HSDL2: variants seen among roughly 807,000 people sequenced by gnomAD.
HSDL2 encodes the protein hydroxysteroid dehydrogenase-like protein 2.
Under a neutral mutation model 46.3 loss-of-function variants are expected in HSDL2, and 27 were observed. The ratio of observed to expected loss-of-function variants is 0.58; its 90% CI spans 0.43 to 0.80. The LOEUF (loss-of-function observed/expected upper bound fraction) is 0.80, where lower values mean the gene tolerates loss of function less well. Among genes scored for constraint, HSDL2 ranks in the 30% least tolerant of loss-of-function variants. The pLI is 0.00. For missense variants in HSDL2, 451 were observed against 502.7 expected (o/e 0.90, Z 0.98); for synonymous variants, 153 against 163.6 (o/e 0.94, Z 0.50).
intron 8 of HSDL2, among the ~76,000 whole-genome samples, chr9:112,448,711 ATT>A (rs11328991): frequency 2.0e-5 from 3 of 151,136 alleles, no homozygotes; most frequent in Admixed American, 1.3e-4. Flanking sequence ...CACCCAGCTA[ATT>A]TTTTTTTTTA....
intron 1 of HSDL2, among the ~76,000 whole-genome samples, chr9:112,390,906 T>A (rs1418324218): frequency 6.6e-6 from 1 of 152,200 alleles, no homozygotes; most frequent in Non-Finnish European, 1.5e-5. Context: ...CTGGACGCAG[T>A]GACTCATGTC....
At chr9:112,413,549 G>C (rs1017968280) in intron 4 of HSDL2, among the ~76,000 whole-genome samples, 4 of 151,710 alleles carry the variant, frequency 2.6e-5, no homozygotes, top group African/African-American at 9.7e-5. Flanking sequence ...TTACTTCCCT[G>C]GTAACTCACA....
intron 1 of HSDL2, among the ~76,000 whole-genome samples, chr9:112,400,578 T>G (rs10759558): frequency 6.6e-6 from 1 of 151,684 alleles, no homozygotes; most frequent in Non-Finnish European, 1.5e-5. Flanking sequence ...CTGCACTCCA[T>G]CCTGGTGACA....
intron 8 of HSDL2, among the ~76,000 whole-genome samples, chr9:112,442,013 G>A (rs1229342809): frequency 6.6e-6 from 1 of 151,976 alleles, no homozygotes; most frequent in African/African-American, 2.4e-5. Flanking sequence ...TGTAATCCCA[G>A]CACTTTGGGA....
chr9:112,461,628 C>T (rs946149045), intron 10 of HSDL2, among the ~76,000 whole-genome samples: 1 of 152,208 alleles, frequency 6.6e-6, no homozygotes, highest in African/African-American at 2.4e-5. Flanking sequence ...TTAAGCAATA[C>T]TCCCAACAGT....
intron 1 of HSDL2, among the ~76,000 whole-genome samples, chr9:112,395,574 T>C (rs2132607277): frequency 6.6e-6 from 1 of 152,350 alleles, no homozygotes; most frequent in South Asian, 2.1e-4. Flanking sequence ...TGATTATTGA[T>C]AGATGGTACA....
intron 8 of HSDL2, among the ~76,000 whole-genome samples, chr9:112,444,913 C>T (rs528948567): frequency 1.9e-4 from 29 of 150,508 alleles, no homozygotes; most frequent in African/African-American, 6.6e-4. Flanking sequence ...GGTCTCACCC[C>T]GTTGCCCAAG....
At chr9:112,396,138 G>GC (rs1020463158) in intron 1 of HSDL2, among the ~76,000 whole-genome samples, 55 of 152,214 alleles carry the variant, frequency 3.6e-4, no homozygotes, top group African/African-American at 1.3e-3. Context: ...ATTAATTTCA[G>GC]CCCCCCATTG....
chr9:112,448,548 CTCT>C (rs71382432), intron 8 of HSDL2, among the ~76,000 whole-genome samples: 144,093 of 151,104 alleles, frequency 0.95, 68,752 homozygotes, highest in African/African-American at 0.98. Context: ...TTCTTTCTCT[CTCT>C]TTTTATTTTT....
intron 1 of HSDL2, among the ~76,000 whole-genome samples, chr9:112,391,302 C>G (rs187720369): frequency 4.6e-5 from 7 of 151,088 alleles, no homozygotes; most frequent in African/African-American, 1.2e-4. Context: ...CCTGTCCCCC[C>G]CCAAAAAATA....
intron 4 of HSDL2, among the ~76,000 whole-genome samples, chr9:112,412,441 A>C (rs1416142483): frequency 6.6e-6 from 1 of 152,188 alleles, no homozygotes; most frequent in African/African-American, 2.4e-5. Context: ...AATCTAAACA[A>C]ATGTAGGTAT....
At chr9:112,418,994 C>T (rs746772219) in intron 6 of HSDL2, 36 bp downstream of exon 6, 1 of 1,083,390 alleles carries the variant, frequency 9.2e-7, no homozygotes, top group South Asian at 1.2e-5. Context: ...GTTAGATTTT[C>T]ATGTATTGTC....
chr9:112,460,777 A>G (rs1408457111), intron 10 of HSDL2, among the ~76,000 whole-genome samples: 1 of 152,188 alleles, frequency 6.6e-6, no homozygotes, highest in Non-Finnish European at 1.5e-5. Context: ...GAAAAAAGAA[A>G]ATAAAATTAT....
At chr9:112,385,448 C>T (rs12338121) in intron 1 of HSDL2, among the ~76,000 whole-genome samples, 15 of 149,792 alleles carry the variant, frequency 1.0e-4, no homozygotes, top group Middle Eastern at 3.2e-3. Context: ...CCTGCCTCAG[C>T]GTCCAGAGTA....
At chr9:112,421,562 A>C (rs1832123917) in intron 6 of HSDL2, among the ~76,000 whole-genome samples, 1 of 152,084 alleles carries the variant, frequency 6.6e-6, no homozygotes, top group African/African-American at 2.4e-5. Context: ...TTTAAAAAAA[A>C]ATTTTTGTAG....
intron 4 of HSDL2, among the ~76,000 whole-genome samples, chr9:112,415,826 T>C (rs1304083229): frequency 6.6e-6 from 1 of 152,238 alleles, no homozygotes; most frequent in Non-Finnish European, 1.5e-5. Context: ...TACAGATTTC[T>C]GAGCAAGTTC....
At chr9:112,446,632 A>G (rs2132681283) in intron 8 of HSDL2, among the ~76,000 whole-genome samples, 1 of 152,274 alleles carries the variant, frequency 6.6e-6, no homozygotes, top group South Asian at 2.1e-4. Flanking sequence ...CCCTATCTCA[A>G]AAACAACATG....
chr9:112,398,359 G>A (rs1158773757), intron 1 of HSDL2, among the ~76,000 whole-genome samples: 1 of 152,026 alleles, frequency 6.6e-6, no homozygotes, highest in Admixed American at 6.6e-5. Flanking sequence ...GATGGCTCCG[G>A]AAGCAAAGGC....
chr9:112,444,791 C>G (rs1056001738), intron 8 of HSDL2, among the ~76,000 whole-genome samples: 1 of 151,234 alleles, frequency 6.6e-6, no homozygotes, highest in Non-Finnish European at 1.5e-5. Context: ...TGATTCCCCC[C>G]ACCCCTACTC....
Sources: gnomAD v4.1 joint callset for allele counts (sites outside exome capture counted in the v4.1 genomes callset) on GRCh38, gnomAD v4.1.1 for gene constraint, MANE v1.5 for transcripts, NCBI Gene and HGNC (gene_info 2026-07-23, HGNC 2026-07-21) for gene names.